Variants in XRCC4 observed in about 807,000 individuals in gnomAD.
XRCC4 encodes DNA repair protein XRCC4.
XRCC4 carries 28 observed loss-of-function variants against 39.1 expected under a neutral mutation model. The ratio of observed to expected loss-of-function variants is 0.72; its 90% CI spans 0.53 to 0.98. The LOEUF is 0.98. Ranked by LOEUF, XRCC4 falls within the 50% of genes least tolerant of loss-of-function variation. The pLI is 0.00. For missense variants in XRCC4, 350 were observed against 376.4 expected (o/e 0.93, Z 0.58); for synonymous variants, 123 against 126.4 (o/e 0.97, Z 0.18).
At chr5:83,233,929 G>A (rs890206178) in intron 6 of XRCC4, among the ~76,000 whole-genome samples, 1 of 141,464 alleles carries the variant, frequency 7.1e-6, no homozygotes, top group Admixed American at 7.0e-5. Context: ...AAGAATTCTA[G>A]CTATCAACAA....
downstream of XRCC4, among the ~76,000 whole-genome samples, chr5:83,355,689 G>A (rs571470994): frequency 3.3e-5 from 5 of 152,320 alleles, no homozygotes; most frequent in South Asian, 8.3e-4. Context: ...ACCCAGGCTG[G>A]AGTACAGTGG....
Position 83,334,508 on chromosome 5 carries a change from G to A in XRCC4, c.894-18623G>A, listed in dbSNP as rs565218049. 1.6e-3 allele frequency among the ~76,000 whole-genome samples: 241 copies of A among 152,116 alleles called. 2 individuals are homozygous for A. In the Middle Eastern group the frequency reaches 0.027, roughly 17 times the overall value. On this transcript the variant is annotated intron_variant, in intron 7 of 7. Coordinates refer to ENST00000396027, the MANE Select transcript of XRCC4 (RefSeq NM_003401.5). ...TAAGGTACCTCAATGTAACGGAATAGTATGAGGTTATTGAAAATGATCAAA... is the reference window on the plus strand; with the variant it reads ...TAAGGTACCTCAATGTAACGGAATAATATGAGGTTATTGAAAATGATCAAA...
chr5:83,246,942 C>T lies in XRCC4; in HGVS notation c.746-11588C>T, dbSNP rs568661201. ...CTTATGAGGTTGAAATGTGGACTTCCTAGCTGTTTATGAATCATAGTGGAG... is the reference window on the plus strand; with the variant it reads ...CTTATGAGGTTGAAATGTGGACTTCTTAGCTGTTTATGAATCATAGTGGAG... On this transcript the variant is annotated intron_variant, in intron 6 of 7. Coordinates refer to ENST00000396027, the MANE Select transcript of XRCC4 (RefSeq NM_003401.5). 5.9e-5 allele frequency among the ~76,000 whole-genome samples: 9 copies of T among 152,238 alleles called. No homozygotes were observed. The East Asian group carries it at 1.4e-3, about 23-fold the overall frequency.
At chr5:83,174,328 A>G (rs1749856910) in intron 3 of XRCC4, among the ~76,000 whole-genome samples, 1 of 152,188 alleles carries the variant, frequency 6.6e-6, no homozygotes, top group South Asian at 2.1e-4. Context: ...AATCAAAGAA[A>G]AATCTTTAAA....
At chr5:83,080,216 C>T (rs1744873264) in intron 1 of XRCC4, among the ~76,000 whole-genome samples, 1 of 152,146 alleles carries the variant, frequency 6.6e-6, no homozygotes, top group African/African-American at 2.4e-5. Context: ...TGATCAACCA[C>T]AGTCTGAAAA....
chr5:83,251,650 T>G (rs1753322486), intron 6 of XRCC4, among the ~76,000 whole-genome samples: 1 of 152,226 alleles, frequency 6.6e-6, no homozygotes, highest in South Asian at 2.1e-4. Context: ...TGGTTTATCC[T>G]TAATAGCCCA....
intron 3 of XRCC4, among the ~76,000 whole-genome samples, chr5:83,120,978 A>G (rs1180846862): frequency 6.6e-6 from 1 of 152,072 alleles, no homozygotes; most frequent in Non-Finnish European, 1.5e-5. Flanking sequence ...CCAGAAAACC[A>G]CTGATTAGAT....
intron 6 of XRCC4, among the ~76,000 whole-genome samples, chr5:83,229,286 C>T (rs1752403343): frequency 6.6e-6 from 1 of 151,990 alleles, no homozygotes; most frequent in African/African-American, 2.4e-5. Flanking sequence ...TCCTCTCAGG[C>T]ATTGTGCTGG....
chr5:83,357,128 C>T (rs1425475644), downstream of XRCC4, among the ~76,000 whole-genome samples: 1 of 152,172 alleles, frequency 6.6e-6, no homozygotes, highest in Non-Finnish European at 1.5e-5. Flanking sequence ...GCACAAAATA[C>T]AGAACTGGGC....
At chr5:83,280,227 C>A in intron 7 of XRCC4, 1 of 325,346 alleles carries the variant, frequency 3.1e-6, no homozygotes, top group South Asian at 3.9e-5. Context: ...TATATTGCCC[C>A]AACACAGGTG....
intron 1 of XRCC4, among the ~76,000 whole-genome samples, chr5:83,081,661 A>C (rs1415334812): frequency 6.6e-6 from 1 of 152,170 alleles, no homozygotes; most frequent in Non-Finnish European, 1.5e-5. Flanking sequence ...AACATTTTTT[A>C]AAAAAAGAAG....
At chr5:83,233,639 A>G (rs763258588) in intron 6 of XRCC4, among the ~76,000 whole-genome samples, 18 of 151,528 alleles carry the variant, frequency 1.2e-4, no homozygotes, top group Non-Finnish European at 2.2e-4. Context: ...TGTAATCCCA[A>G]CACTTTGGGA....
intron 3 of XRCC4, among the ~76,000 whole-genome samples, chr5:83,127,153 T>C (rs1016349189): frequency 2.6e-5 from 4 of 152,144 alleles, no homozygotes; most frequent in African/African-American, 4.8e-5. Context: ...TGGGATGGAA[T>C]GGATGTATTT....
chr5:83,315,081 T>G (rs575817063), intron 7 of XRCC4, among the ~76,000 whole-genome samples: 9 of 152,064 alleles, frequency 5.9e-5, no homozygotes, highest in Non-Finnish European at 1.2e-4. Context: ...TGAAGGAAAT[T>G]AAAAGTGCTA....
intron 6 of XRCC4, among the ~76,000 whole-genome samples, chr5:83,226,549 T>A (rs7736827): frequency 0.043 from 6,596 of 152,144 alleles, 453 homozygotes; most frequent in African/African-American, 0.15. Context: ...AGTTGGTGAA[T>A]TTAAAGCCAA....
intron 3 of XRCC4, among the ~76,000 whole-genome samples, chr5:83,138,543 A>G (rs1321757786): frequency 3.3e-5 from 5 of 151,764 alleles, no homozygotes; most frequent in Admixed American, 1.3e-4. Context: ...AAAGTATACT[A>G]TAAGCAAAGT....
chr5:83,161,812 A>C (rs917947578), intron 3 of XRCC4, among the ~76,000 whole-genome samples: 10 of 151,574 alleles, frequency 6.6e-5, no homozygotes, highest in Admixed American at 1.3e-4. Flanking sequence ...AATTTGCTAC[A>C]GTGAACTTTT....
In XRCC4 at chr5:83,301,228, C is replaced by T. The variant is rs142075676; in HGVS notation, c.893+42551C>T. 1.2e-4 allele frequency among the ~76,000 whole-genome samples: 18 copies of T among 152,334 alleles called. No individual in the cohort carries two copies. The East Asian group carries it at 3.1e-3, about 26-fold the overall frequency. ...AAAAGTGTTTCTGTTTTGCCACATC[C>T]TCTCCAGCATCTGTTGTTTCCTGAC... On this transcript the variant is annotated intron_variant, in intron 7 of 7. Coordinates refer to ENST00000396027, the MANE Select transcript of XRCC4 (RefSeq NM_003401.5).
At chr5:83,320,623 T>C (rs903811164) in intron 7 of XRCC4, among the ~76,000 whole-genome samples, 1 of 151,706 alleles carries the variant, frequency 6.6e-6, no homozygotes, top group African/African-American at 2.4e-5. Flanking sequence ...ATGAACTTCA[T>C]TGTCTTATTT....
Sources: allele counts gnomAD v4.1 joint callset (sites outside exome capture counted in the v4.1 genomes callset), GRCh38; gene constraint gnomAD v4.1.1; transcripts MANE v1.5; gene names NCBI Gene and HGNC (gene_info 2026-07-23, HGNC 2026-07-21).